The following SYNPR variants were observed in gnomAD, a reference collection of about 807,000 sequenced individuals.
SYNPR encodes the protein synaptoporin.
A neutral mutation model predicts 32.9 loss-of-function variants in SYNPR; 23 were observed. That is an observed-to-expected ratio of 0.70 (90% CI 0.50 to 0.99). The LOEUF is 0.99. SYNPR is among the 50% of genes least tolerant of loss of function. SYNPR has a pLI of 0.00. For missense variants in SYNPR, 318 were observed against 349.3 expected (o/e 0.91, Z 0.71); for synonymous variants, 146 against 135.9 (o/e 1.07, Z -0.52).
chr3:63,557,570 C>G (rs369913064), intron 4 of SYNPR, among the ~76,000 whole-genome samples: 1 of 152,132 alleles, frequency 6.6e-6, no homozygotes, highest in Non-Finnish European at 1.5e-5. Flanking sequence ...GACTAATATA[C>G]TTTTTTGGAT....
upstream of SYNPR, among the ~76,000 whole-genome samples, chr3:63,277,857 G>A (rs1209431763): frequency 6.6e-6 from 1 of 151,972 alleles, no homozygotes; most frequent in African/African-American, 2.4e-5. Flanking sequence ...TTTTTTTGAT[G>A]TACCCCAGCA....
chr3:63,554,428 G>A (rs983943915), intron 3 of SYNPR, among the ~76,000 whole-genome samples: 2 of 152,102 alleles, frequency 1.3e-5, no homozygotes, highest in African/African-American at 2.4e-5. Flanking sequence ...TTCTTCATAT[G>A]GCTAGCCATT....
At chr3:63,589,695 G>C (rs1218274922) in intron 4 of SYNPR, among the ~76,000 whole-genome samples, 2 of 149,604 alleles carry the variant, frequency 1.3e-5, no homozygotes, top group Non-Finnish European at 3.0e-5. Context: ...ACGAGCCAAA[G>C]ACAAAAACCA....
At chr3:63,487,556 T>C (rs1701179702) in intron 3 of SYNPR, among the ~76,000 whole-genome samples, 2 of 152,160 alleles carry the variant, frequency 1.3e-5, no homozygotes, top group South Asian at 4.1e-4. Context: ...AGAAAACAAA[T>C]GGCCAGTTTG....
intron 3 of SYNPR, among the ~76,000 whole-genome samples, chr3:63,270,870 TCCTTCCTTC>T (rs145117242): frequency 0.36 from 32,197 of 89,934 alleles, 3,856 homozygotes; most frequent in South Asian, 0.5. Flanking sequence ...TTTCCTTCCT[TCCTTCCTTC>T]CTTCCTTCCT....
At chr3:63,286,382 A>G (rs6768281) in intron 2 of SYNPR, among the ~76,000 whole-genome samples, 1 of 151,952 alleles carries the variant, frequency 6.6e-6, no homozygotes, top group African/African-American at 2.4e-5. Flanking sequence ...AGTGGCCCCA[A>G]CTGAATTCTC....
the SYNPR span, among the ~76,000 whole-genome samples, chr3:63,217,839 C>A: frequency 1.3e-5 from 2 of 152,072 alleles, no homozygotes; most frequent in African/African-American, 4.8e-5. Context: ...CAACTCCACC[C>A]AAAAGCATTT....
At chr3:63,530,126 C>A (rs897871787) in intron 3 of SYNPR, among the ~76,000 whole-genome samples, 3 of 152,112 alleles carry the variant, frequency 2.0e-5, no homozygotes, top group African/African-American at 7.2e-5. Context: ...CAAGTAAAAA[C>A]ACCCTAGGAG....
chr3:63,210,823 TTC>T, the SYNPR span, among the ~76,000 whole-genome samples: 2 of 150,358 alleles, frequency 1.3e-5, no homozygotes, highest in African/African-American at 4.9e-5. Context: ...CTTCCTTCCT[TTC>T]CTTCCTCTCT....
At chr3:63,582,989 T>C (rs548507274) in intron 4 of SYNPR, among the ~76,000 whole-genome samples, 1 of 129,580 alleles carries the variant, frequency 7.7e-6, no homozygotes, top group South Asian at 2.6e-4. Flanking sequence ...CTTGGGTGCA[T>C]GTGGGCTGAG....
intron 2 of SYNPR, among the ~76,000 whole-genome samples, chr3:63,318,973 C>T (rs1332812547): frequency 6.6e-6 from 1 of 151,978 alleles, no homozygotes; most frequent in African/African-American, 2.4e-5. Context: ...GTACTCTCCC[C>T]CTTTCCTATG....
In SYNPR at chr3:63,524,095, T is replaced by A. The variant is rs6763640; in HGVS notation, c.210-32448T>A. Among the ~76,000 whole-genome samples the A allele has an allele frequency of 6.8e-3, 987 of 145,992 alleles. 17 individuals carry two copies. The highest frequency in any genetic ancestry group is 0.023 in the African/African-American group (903 of 39,570). ...TACCTCATTTCTGTAAAAAAAAAAA[T>A]GACTCACTTTCTAAGTTAATTCATG... On this transcript the variant is annotated intron_variant, in intron 3 of 5. Transcript: ENST00000478300.
At chr3:63,334,617 T>G in intron 2 of SYNPR, among the ~76,000 whole-genome samples, 1 of 151,782 alleles carries the variant, frequency 6.6e-6, no homozygotes, top group African/African-American at 2.4e-5. Context: ...TCACAAGCAC[T>G]TAGAATGCAA....
intron 1 of SYNPR, chr3:63,228,403 C>T (rs2086144527): frequency 6.6e-6 from 1 of 152,174 alleles, no homozygotes; most frequent in African/African-American, 2.4e-5. Flanking sequence ...CTTCATTTTA[C>T]ATAGCAAACA....
chr3:63,415,840 T>C lies in SYNPR; in HGVS notation c.85-64992T>C, dbSNP rs1458245338. 2.0e-5 allele frequency among the ~76,000 whole-genome samples: 3 copies of C among 152,228 alleles called. No individual in the cohort carries two copies. The East Asian group carries it at 5.8e-4, about 29-fold the overall frequency. The stretch of plus-strand genomic sequence containing the variant: ...TGCAACACAGCTAATTTGAATCACT[T>C]TGCAGTTATATTAAATGGAAAATTC... On this transcript the variant is annotated intron_variant, in intron 2 of 5. Coordinates refer to ENST00000478300, the MANE Select transcript of SYNPR (RefSeq NM_001130003.2).
At chr3:63,485,647 T>C (rs1333750634) in intron 3 of SYNPR, among the ~76,000 whole-genome samples, 4 of 152,124 alleles carry the variant, frequency 2.6e-5, no homozygotes, top group Admixed American at 2.0e-4. Context: ...AAATATGATA[T>C]TTGTGAAGAA....
intron 3 of SYNPR, among the ~76,000 whole-genome samples, chr3:63,511,593 G>A (rs1419925185): frequency 3.3e-5 from 5 of 152,130 alleles, no homozygotes; most frequent in Non-Finnish European, 5.9e-5. Flanking sequence ...GACCTGGACC[G>A]GAAGATATCA....
chr3:63,565,488 C>G (rs76903179), intron 4 of SYNPR, among the ~76,000 whole-genome samples: 1 of 152,098 alleles, frequency 6.6e-6, no homozygotes, highest in Non-Finnish European at 1.5e-5. Flanking sequence ...AGAAGAGAAA[C>G]GGAGCAGAAC....
At chr3:63,261,194 G>C (rs1161127270) in intron 2 of SYNPR, among the ~76,000 whole-genome samples, 17 of 152,112 alleles carry the variant, frequency 1.1e-4, no homozygotes, top group Admixed American at 8.5e-4. Flanking sequence ...AATACCATTT[G>C]ACCCAGCCAT....
Sources: gnomAD v4.1 joint callset for allele counts (sites outside exome capture counted in the v4.1 genomes callset) on GRCh38, gnomAD v4.1.1 for gene constraint, MANE v1.5 for transcripts, NCBI Gene and HGNC (gene_info 2026-07-23, HGNC 2026-07-21) for gene names.